Variants in FOXN3 observed in about 807,000 individuals in gnomAD.
FOXN3 encodes the protein forkhead box N3, also known as forkhead box protein N3.
A neutral mutation model predicts 38.4 loss-of-function variants in FOXN3; 7 were observed. The ratio of observed to expected loss-of-function variants is 0.18; its 90% CI spans 0.10 to 0.34. The LOEUF is 0.34. Among genes scored for constraint, FOXN3 ranks in the 10% least tolerant of loss-of-function variants. The probability of loss-of-function intolerance (pLI) is 1.00; values close to 1 mark genes in which losing one functional copy is unlikely to be tolerated. For missense variants in FOXN3, 456 were observed against 613.4 expected (o/e 0.74, Z 2.71); for synonymous variants, 230 against 242.2 (o/e 0.95, Z 0.47).
chr14:89,601,658 C>G (rs1203287040), intron 1 of FOXN3, among the ~76,000 whole-genome samples: 2 of 152,150 alleles, frequency 1.3e-5, no homozygotes, highest in East Asian at 3.8e-4. Context: ...AGCTAAATTC[C>G]TCTGCTTGTT....
At chr14:89,517,811 C>G (rs978522881) in intron 1 of FOXN3, among the ~76,000 whole-genome samples, 20 of 152,194 alleles carry the variant, frequency 1.3e-4, no homozygotes, top group Admixed American at 6.5e-4. Flanking sequence ...CTCCCTGCTA[C>G]CAAGATCAAT....
upstream of FOXN3, chr14:89,417,603 C>A: frequency 2.5e-6 from 1 of 406,254 alleles, no homozygotes; most frequent in Non-Finnish European, 5.1e-6. Context: ...GCGCTGCTGG[C>A]AACGTGTCGC....
At chr14:89,402,071 G>C (rs2140088401) in intron 2 of FOXN3, among the ~76,000 whole-genome samples, 1 of 152,250 alleles carries the variant, frequency 6.6e-6, no homozygotes, top group East Asian at 1.9e-4. Context: ...AATCCATCAA[G>C]TTATTACTAA....
At chr14:89,577,633 GC>G (rs1327512925) in intron 1 of FOXN3, among the ~76,000 whole-genome samples, 1 of 152,020 alleles carries the variant, frequency 6.6e-6, no homozygotes, top group African/African-American at 2.4e-5. Context: ...TTAACCACCA[GC>G]TTCAAACACC....
intron 4 of FOXN3, among the ~76,000 whole-genome samples, chr14:89,279,227 T>A (rs914137924): frequency 6.6e-6 from 1 of 152,166 alleles, no homozygotes; most frequent in Non-Finnish European, 1.5e-5. Flanking sequence ...GCATCTGAAA[T>A]CTGTACTAGT....
At chr14:89,280,764 A>G (rs1204687247) in intron 4 of FOXN3, among the ~76,000 whole-genome samples, 186 bp downstream of exon 4, 1 of 152,024 alleles carries the variant, frequency 6.6e-6, no homozygotes, top group Non-Finnish European at 1.5e-5. Flanking sequence ...AGCGACCGAG[A>G]AGCTTGAGTA....
chr14:89,345,638 C>G (rs1373639160), intron 3 of FOXN3, among the ~76,000 whole-genome samples: 2 of 152,182 alleles, frequency 1.3e-5, no homozygotes, highest in African/African-American at 4.8e-5. Context: ...CCCCTACTCC[C>G]CTCCGAGTCC....
chr14:89,535,915 G>T (rs186655478), intron 1 of FOXN3, among the ~76,000 whole-genome samples: 1 of 152,136 alleles, frequency 6.6e-6, no homozygotes, highest in Non-Finnish European at 1.5e-5. Context: ...AACATAAGTC[G>T]TTTGTAACAC....
intron 1 of FOXN3, chr14:89,493,850 A>AC (rs1418218194): frequency 5.0e-5 from 7 of 138,992 alleles, no homozygotes; most frequent in African/African-American, 1.6e-4. Context: ...ATCCATCTCT[A>AC]CCCCCCTCCA....
chr14:89,588,285 TG>T (rs1472237406), intron 1 of FOXN3, among the ~76,000 whole-genome samples: 1 of 152,136 alleles, frequency 6.6e-6, no homozygotes, highest in Non-Finnish European at 1.5e-5. Flanking sequence ...TCATGCTTCC[TG>T]TACAGCCTAC....
chr14:89,321,532 G>C (rs538415546), intron 3 of FOXN3, among the ~76,000 whole-genome samples: 44 of 152,214 alleles, frequency 2.9e-4, no homozygotes, highest in African/African-American at 1.0e-3. Flanking sequence ...AGCCGAGATT[G>C]AGCCACTGCA....
chr14:89,565,202 A>G (rs576732899), intron 1 of FOXN3, among the ~76,000 whole-genome samples: 14 of 152,014 alleles, frequency 9.2e-5, no homozygotes, highest in African/African-American at 3.1e-4. Flanking sequence ...ACCCCAGGCC[A>G]AGGAACGCCC....
chr14:89,374,263 CAAAA>C (rs35623770), intron 2 of FOXN3, among the ~76,000 whole-genome samples: 848 of 48,072 alleles, frequency 0.018, 6 homozygotes, highest in African/African-American at 0.065. Context: ...GACCTTGTCT[CAAAA>C]AAAAAAAAAA....
intron 1 of FOXN3, among the ~76,000 whole-genome samples, chr14:89,438,255 T>C (rs1017199328): frequency 1.3e-5 from 2 of 152,246 alleles, no homozygotes; most frequent in African/African-American, 4.8e-5. Flanking sequence ...GGCCCTGGGA[T>C]GGGTCCCAGC....
chr14:89,376,974 C>CTGCACCAT (rs1247277488), intron 2 of FOXN3, among the ~76,000 whole-genome samples: 2 of 130,652 alleles, frequency 1.5e-5, no homozygotes, highest in Non-Finnish European at 3.1e-5. Context: ...TGAGCCGAGA[C>CTGCACCAT]TGCACCATTG....
upstream of FOXN3, chr14:89,419,811 T>G (rs1013956077): frequency 1.1e-4 from 16 of 152,308 alleles, no homozygotes; most frequent in African/African-American, 3.1e-4. Flanking sequence ...TATTGGTTAT[T>G]AGAGCAGCAT....
chr14:89,182,189 T>C (rs1887691961), intron 4 of FOXN3, among the ~76,000 whole-genome samples: 1 of 152,268 alleles, frequency 6.6e-6, no homozygotes, highest in African/African-American at 2.4e-5. Context: ...CACATTGCCA[T>C]ACTTTTTACT....
At chr14:89,292,040 G>T (rs77890769) in intron 3 of FOXN3, among the ~76,000 whole-genome samples, 17,482 of 152,070 alleles carry the variant, frequency 0.11, 1,374 homozygotes, top group African/African-American at 0.21. Flanking sequence ...CAAACCTCCC[G>T]CTCCATCTTT....
At chr14:89,496,291 A>T (rs373522854) in intron 1 of FOXN3, among the ~76,000 whole-genome samples, 3 of 152,196 alleles carry the variant, frequency 2.0e-5, no homozygotes, top group African/African-American at 7.2e-5. Context: ...TGGTTTGGGG[A>T]TTAACTATGG....
Sources: gnomAD v4.1 joint callset for allele counts (sites outside exome capture counted in the v4.1 genomes callset) on GRCh38, gnomAD v4.1.1 for gene constraint, MANE v1.5 for transcripts, NCBI Gene and HGNC (gene_info 2026-07-23, HGNC 2026-07-21) for gene names.